The following RBFOX3 variants were observed in gnomAD, a reference collection of about 807,000 sequenced individuals.
RBFOX3 encodes RNA binding fox-1 homolog 3.
Under a neutral mutation model 48.7 loss-of-function variants are expected in RBFOX3, and 17 were observed. That is an observed-to-expected ratio of 0.35 (90% CI 0.24 to 0.52). RBFOX3 has a LOEUF of 0.52. Among genes scored for constraint, RBFOX3 ranks in the 20% least tolerant of loss-of-function variants. The pLI is 0.94. For missense variants in RBFOX3, 382 were observed against 497.5 expected, an observed-to-expected ratio of 0.77 and a Z score of 2.21; for synonymous variants, 212 against 209.5, an observed-to-expected ratio of 1.01 and a Z score of -0.10.
chr17:79,162,215 T>C (rs1328726426), intron 4 of RBFOX3, among the ~76,000 whole-genome samples: 1 of 152,268 alleles, frequency 6.6e-6, no homozygotes, highest in Admixed American at 6.5e-5. Context: ...TTCCCTTTAA[T>C]TACAATGGCC....
the RBFOX3 span, among the ~76,000 whole-genome samples, chr17:79,657,209 G>C: frequency 6.6e-6 from 1 of 152,186 alleles, no homozygotes; most frequent in African/African-American, 2.4e-5. Flanking sequence ...ACGGCAAATG[G>C]AAGCCTTCTC....
chr17:79,092,823 C>CCT (rs1196640969), intron 14 of RBFOX3, among the ~76,000 whole-genome samples: 1 of 152,200 alleles, frequency 6.6e-6, no homozygotes, highest in African/African-American at 2.4e-5. Flanking sequence ...GTAGGACCTG[C>CCT]CTCTGACATA....
In RBFOX3 at chr17:79,418,461, C is replaced by T. The variant is rs959156472; in HGVS notation, c.-175+63993G>A. Among the ~76,000 whole-genome samples, 4 of 152,210 alleles carry T rather than the reference C, an allele frequency of 2.6e-5. No individual in the cohort carries two copies. The highest frequency in any genetic ancestry group is 7.2e-5 in the African/African-American group (3 of 41,454). On this transcript the variant is annotated intron_variant, in intron 2 of 14. Coordinates refer to ENST00000693108, the MANE Select transcript of RBFOX3 (RefSeq NM_001350451.2). The surrounding 1 kb of genome is among the most constrained non-coding windows in gnomAD (Gnocchi z 5.0). Reference sequence around the variant, plus strand: ...AAAGAAGGATTCACACCGTGCCACGCGAGAAAGCCGTGTGTGTCAGCCAAG... The same window carrying T: ...AAAGAAGGATTCACACCGTGCCACGTGAGAAAGCCGTGTGTGTCAGCCAAG...
intron 1 of RBFOX3, among the ~76,000 whole-genome samples, chr17:79,584,850 C>G (rs2144908886): frequency 6.6e-6 from 1 of 152,174 alleles, no homozygotes; most frequent in Non-Finnish European, 1.5e-5. Context: ...ACTGCAAGCT[C>G]CACCTCCCGG....
At chr17:79,466,199 C>G (rs1395845391) in intron 2 of RBFOX3, among the ~76,000 whole-genome samples, 1 of 152,184 alleles carries the variant, frequency 6.6e-6, no homozygotes, top group African/African-American at 2.4e-5. Flanking sequence ...GCCCCAGCGG[C>G]CTCCTCCCTC....
At chr17:79,238,953 C>T (rs73999910) in intron 3 of RBFOX3, among the ~76,000 whole-genome samples, 4,119 of 152,228 alleles carry the variant, frequency 0.027, 194 homozygotes, top group African/African-American at 0.094. Context: ...GGGCCAGGAG[C>T]TCCCCGAGCC....
chr17:79,365,973 A>T (rs556415499), intron 2 of RBFOX3, among the ~76,000 whole-genome samples: 2 of 152,338 alleles, frequency 1.3e-5, no homozygotes, highest in East Asian at 3.9e-4. Context: ...CACGCCACGG[A>T]TGTCCTGCCA....
chr17:79,161,332 C>T (rs928226055), intron 4 of RBFOX3, among the ~76,000 whole-genome samples: 7 of 152,132 alleles, frequency 4.6e-5, no homozygotes, highest in Admixed American at 6.5e-5. Flanking sequence ...CCATGAAGCC[C>T]GTCCTCTGCT....
Position 79,223,314 on chromosome 17 carries a change from C to T in RBFOX3, c.-34+12452G>A, listed in dbSNP as rs118006535. Among the ~76,000 whole-genome samples, 500 of 152,314 alleles carry T rather than the reference C, an allele frequency of 3.3e-3. 10 individuals carry two copies. In the East Asian group the frequency reaches 0.063, roughly 19 times the overall value. On this transcript the variant is annotated intron_variant, in intron 4 of 14. Coordinates refer to ENST00000693108, the MANE Select transcript of RBFOX3 (RefSeq NM_001350451.2). The stretch of plus-strand genomic sequence containing the variant: ...ACGGATGCCCTGATACCCCTGCACA[C>T]GCACACAGCTGCATGTGTATCTGCA...
intron 3 of RBFOX3, among the ~76,000 whole-genome samples, chr17:79,281,026 C>T (rs911957916): frequency 6.6e-6 from 1 of 152,212 alleles, no homozygotes; most frequent in Non-Finnish European, 1.5e-5. Flanking sequence ...ACCTCCAGAC[C>T]ACATCTATCA....
At chr17:79,297,026 C>T (rs2074493433) in intron 3 of RBFOX3, among the ~76,000 whole-genome samples, 1 of 151,072 alleles carries the variant, frequency 6.6e-6, no homozygotes, top group Non-Finnish European at 1.5e-5. Context: ...CCCTCCTCTC[C>T]CCAGCAGCTC....
intron 2 of RBFOX3, among the ~76,000 whole-genome samples, chr17:79,422,883 G>A (rs782601990): frequency 6.6e-6 from 1 of 152,170 alleles, no homozygotes; most frequent in African/African-American, 2.4e-5. Flanking sequence ...AGAGACAGCA[G>A]GGCGATATGC....
chr17:79,377,775 G>A (rs988556491), intron 2 of RBFOX3, among the ~76,000 whole-genome samples: 5 of 152,110 alleles, frequency 3.3e-5, no homozygotes, highest in African/African-American at 7.2e-5. Flanking sequence ...CTTTCTAGGT[G>A]TGCGTGTCCC....
intron 4 of RBFOX3, among the ~76,000 whole-genome samples, chr17:79,147,378 T>A (rs4789949): frequency 0.29 from 43,631 of 152,128 alleles, 6,936 homozygotes; most frequent in South Asian, 0.41. Context: ...CTAGGGAACA[T>A]CAGAGTTGGG....
intron 1 of RBFOX3, among the ~76,000 whole-genome samples, chr17:79,518,423 C>CT (rs2085563089): frequency 6.6e-6 from 1 of 152,260 alleles, no homozygotes; most frequent in South Asian, 2.1e-4. Flanking sequence ...CTGTGATGGC[C>CT]TGGCCGGGGC....
intron 4 of RBFOX3, among the ~76,000 whole-genome samples, chr17:79,146,392 A>T (rs2043045808): frequency 6.6e-6 from 1 of 152,180 alleles, no homozygotes; most frequent in African/African-American, 2.4e-5. Flanking sequence ...CCGTTTCACC[A>T]CTGCATTAGA....
chr17:79,424,377 G>A lies in RBFOX3; in HGVS notation c.-175+58077C>T, dbSNP rs553165486. Among the ~76,000 whole-genome samples the A allele has an allele frequency of 2.1e-4, 32 of 152,280 alleles. No homozygotes were observed. The South Asian group carries it at 5.4e-3, about 26-fold the overall frequency. On this transcript the variant is annotated intron_variant, in intron 2 of 14. Coordinates refer to ENST00000693108, the MANE Select transcript of RBFOX3 (RefSeq NM_001350451.2). ...CCAGGAAGCCCCTGCCCCCAGAAGT[G>A]AAGCTGGGGCTTGGCAGGAAAGAAC...
At chr17:79,350,429 G>A (rs766150248) in intron 2 of RBFOX3, among the ~76,000 whole-genome samples, 3 of 152,210 alleles carry the variant, frequency 2.0e-5, no homozygotes, top group Non-Finnish European at 4.4e-5. Context: ...TGTGACTATA[G>A]GTTCTTAGAG....
chr17:79,456,479 G>A (rs79285628), intron 2 of RBFOX3, among the ~76,000 whole-genome samples: 1 of 151,880 alleles, frequency 6.6e-6, no homozygotes, highest in Non-Finnish European at 1.5e-5. Context: ...CCCTGCTGGA[G>A]AGAACCCGCC....
Sources: gnomAD v4.1 joint callset for allele counts (sites outside exome capture counted in the v4.1 genomes callset) on GRCh38, gnomAD v4.1.1 for gene constraint, Gnocchi (gnomAD v3.1) non-coding constraint, MANE v1.5 for transcripts, NCBI Gene and HGNC (gene_info 2026-07-23, HGNC 2026-07-21) for gene names.